Variants in FLOT1 observed in about 807,000 individuals in gnomAD.
FLOT1 encodes flotillin 1.
FLOT1 carries 40 observed loss-of-function variants against 58.4 expected under a neutral mutation model. The observed-to-expected ratio is 0.69, with a 90% CI of 0.53 to 0.89. FLOT1 has a LOEUF of 0.89. Ranked by LOEUF, FLOT1 falls within the 40% of genes least tolerant of loss-of-function variation. FLOT1 has a pLI of 0.00. For missense variants in FLOT1, 423 were observed against 540.8 expected (o/e 0.78, Z 2.16); for synonymous variants, 178 against 204.2 (o/e 0.87, Z 1.09).
chr6:30,737,204 TCTGTCGTCCGTC>T lies in FLOT1; in HGVS notation c.723+2942_723+2953del, dbSNP rs1177881012. ...GTATGACTGACTGACTGACTGACTG[TCTGTCGTCCGTC>T]CGTCCGTCCGTCCGTCCGTCCGTCC... is the stretch of plus-strand genomic sequence containing the variant. On this transcript the variant is annotated intron_variant, in intron 8 of 12. Transcript: ENST00000376389. This position sits in a 1 kb window ranked among gnomAD's most constrained non-coding sequence, Gnocchi z 4.4. Among the ~76,000 whole-genome samples the T allele has an allele frequency of 8.7e-5, 11 of 126,702 alleles. No individual in the cohort carries two copies. Among genetic ancestry groups the T allele is most frequent in the South Asian group, 2.6e-4 (1 of 3,904 alleles). 83.1% of individuals were successfully genotyped at this position (126,702 alleles called of 152,430 possible).
chr6:30,739,809 G>A (rs1022717103), intron 8 of FLOT1, among the ~76,000 whole-genome samples: 4 of 152,150 alleles, frequency 2.6e-5, no homozygotes, highest in East Asian at 1.9e-4. Flanking sequence ...CTACAGGCCC[G>A]AGCTGCCATG....
chr6:30,733,541 G>GACCA (rs918992298), intron 8 of FLOT1, among the ~76,000 whole-genome samples: 1 of 151,410 alleles, frequency 6.6e-6, no homozygotes, highest in African/African-American at 2.4e-5. Context: ...AGGAGTTCAT[G>GACCA]ACCAGCCTGG....
Position 30,730,714 on chromosome 6 carries a change from T to C in FLOT1, c.919A>G (p.Met307Val). 6.2e-7 allele frequency: 1 copy of C among 1,613,310 alleles called. No homozygotes were observed. Among genetic ancestry groups the C allele is most frequent in the Non-Finnish European group, 8.5e-7 (1 of 1,180,030 alleles). Reference sequence around the variant, plus strand: ...GACGCGGCTTCTGCCTCCGCCTGCATAATTAGTTGGGACCTGTGGACAGAA... The same window carrying C: ...GACGCGGCTTCTGCCTCCGCCTGCACAATTAGTTGGGACCTGTGGACAGAA... The part of the protein sequence containing the change: ...LAEAEKSQLI[M>V]QAEAEAASVR... Residue 307 changes from methionine to valine, a missense_variant, in exon 10 of 13, where the codon ATG becomes GTG. By Grantham distance (21) the Met-to-Val change is conservative. Around this residue, in one of 6 missense-constraint regions of FLOT1, gnomAD observed 106 missense variants for 88.4 expected, o/e 1.20. Coordinates refer to ENST00000376389, the MANE Select transcript of FLOT1 (RefSeq NM_005803.4).
chr6:30,728,203 A>G (rs751635633), intron 12 of FLOT1, 58 bp from the exon 13 acceptor site: 14 of 1,502,508 alleles, frequency 9.3e-6, no homozygotes, highest in Non-Finnish European at 1.2e-5. Context: ...TGAGGCCCCT[A>G]CTCTCCCGGG....
chr6:30,730,297 T>C, intron 11 of FLOT1, 111 bp from the exon 12 acceptor site: 1 of 1,501,064 alleles, frequency 6.7e-7, no homozygotes, highest in Non-Finnish European at 9.1e-7. Flanking sequence ...TTCCTCACTT[T>C]GGTCACTAAT....
rs1237866498 is a variant in FLOT1, at chr6:30,741,690, G to A, written c.134C>T (p.Thr45Ile). Residue 45 changes from threonine (T) to isoleucine (I), a missense_variant, in exon 4 of 13, where the codon ACA becomes ATA. Coordinates refer to ENST00000376389, the MANE Select transcript of FLOT1 (RefSeq NM_005803.4). This position sits in a 1 kb window ranked among gnomAD's most constrained non-coding sequence, Gnocchi z 5.9. ...IQQIQRISLNTLTLNVKSEKV... is the reference protein window; with the variant it reads ...IQQIQRISLNILTLNVKSEKV... ...TTCACTCTTGACATTGAGGGTCAGT[G>A]TGTTGAGAGAGATCCTAGGGGAAAA... 3 of 1,612,828 alleles carry A rather than the reference G, an allele frequency of 1.9e-6. No homozygotes were observed. Among genetic ancestry groups the A allele is most frequent in the Admixed American group, 3.3e-5 (2 of 60,016 alleles).
rs1425503345 is a variant in FLOT1 at position 30,742,449 on chromosome 6, G to T, written c.-15+78C>A. 1.0e-5 allele frequency: 6 copies of T among 572,330 alleles called. No individual in the cohort carries two copies. The highest frequency in any genetic ancestry group is 1.6e-5 in the Non-Finnish European group (5 of 320,470). 35.5% of individuals were successfully genotyped at this position (572,330 alleles called of 1,614,324 possible). A position where few individuals can be genotyped will look rare whatever the true frequency, so the allele number is the denominator to read the frequency against. ...GCTCCCTTTGATAAAGGTCCCCCGC[G>T]CCCAGAGGCCTGCAGACCTTTCCCC... On this transcript the variant is annotated intron_variant, in intron 1 of 12. Transcript: ENST00000376389. The surrounding 1 kb of genome is among the most constrained non-coding windows in gnomAD (Gnocchi z 5.2).
intron 8 of FLOT1, among the ~76,000 whole-genome samples, chr6:30,734,112 T>C (rs1410205641): frequency 6.7e-6 from 1 of 149,112 alleles, no homozygotes; most frequent in Non-Finnish European, 1.5e-5. Flanking sequence ...CTTTGAGATC[T>C]CTCTCTCTCT....
intron 5 of FLOT1, 35 bp from the exon 6 acceptor site, chr6:30,740,833 AGTT>A (rs1401598962): frequency 6.9e-6 from 9 of 1,299,542 alleles, no homozygotes; most frequent in East Asian, 2.6e-5. Context: ...AAGGGATGTA[AGTT>A]TTTTTTTTTT....
At position 30,741,715 on chromosome 6, in the gene FLOT1, A is replaced by G; in HGVS notation, c.120-11T>C. On this transcript the variant is annotated splice_polypyrimidine_tract_variant and intron_variant, in intron 3 of 12. Transcript: ENST00000376389. The surrounding 1 kb of genome is among the most constrained non-coding windows in gnomAD (Gnocchi z 5.9). Reference sequence around the variant, plus strand: ...GTGTTGAGAGAGATCCTAGGGGAAAAAGAAGGGACAGACAGTAAGAAGAGG... The same window carrying G: ...GTGTTGAGAGAGATCCTAGGGGAAAGAGAAGGGACAGACAGTAAGAAGAGG... The G allele has an allele frequency of 6.2e-7, 1 of 1,612,038 alleles. No individual in the cohort carries two copies. Among genetic ancestry groups the G allele is most frequent in the South Asian group, 1.1e-5 (1 of 91,054 alleles).
chr6:30,731,353 C>T (rs1777180236), intron 8 of FLOT1, among the ~76,000 whole-genome samples: 1 of 151,864 alleles, frequency 6.6e-6, no homozygotes, highest in Admixed American at 6.6e-5. Context: ...GGTGTGGTGG[C>T]GAATGCCTGT....
At position 30,741,766 on chromosome 6, in the gene FLOT1, C is replaced by A; in HGVS notation, c.119+26G>T. 6.2e-7 allele frequency: 1 copy of A among 1,611,952 alleles called. No homozygotes were observed. The highest frequency in any genetic ancestry group is 8.5e-7 in the Non-Finnish European group (1 of 1,179,050). ...AGGAAAAAGAGAAAACGGAGGTCCC[C>A]CTTCCCTGGTTCCCTTCTTGCCTAC... On this transcript the variant is annotated intron_variant, in intron 3 of 12. Transcript: ENST00000376389. This position sits in a 1 kb window ranked among gnomAD's most constrained non-coding sequence, Gnocchi z 5.9.
intron 11 of FLOT1, 59 bp downstream of exon 11, chr6:30,730,369 C>A: frequency 6.5e-7 from 1 of 1,533,272 alleles, no homozygotes; most frequent in Non-Finnish European, 8.8e-7. Flanking sequence ...TCACTACACC[C>A]CACCCCTTAG....
intron 8 of FLOT1, 22 bp from the exon 9 acceptor site, chr6:30,731,122 G>A (rs1386785419): frequency 1.3e-6 from 2 of 1,580,656 alleles, no homozygotes; most frequent in South Asian, 1.1e-5. Flanking sequence ...GGTGAAGTCA[G>A]GTTCACGCTC....
At position 30,728,124 on chromosome 6, in the gene FLOT1, T is replaced by G; in HGVS notation, c.1276A>C (p.Thr426Pro). The change falls in exon 13 of 13, where the codon ACA (threonine) becomes CCA (proline). Residue 426 changes from threonine to proline, a missense_variant. Thr to Pro is a conservative substitution (Grantham distance 38). This residue lies in a region of FLOT1 where 44 missense variants were observed against 40.3 expected (regional missense o/e 1.09). Transcript: ENST00000376389. ...CTGTGAGGGCTGAAGGCTCAGGCTG[T>G]TCTCAAAGGCTTGTGATTCACCTGG... ...ISQVNHKPLR[T>P]A 6.2e-7 allele frequency: 1 copy of G among 1,613,014 alleles called. No individual in the cohort carries two copies. The highest frequency in any genetic ancestry group is 8.5e-7 in the Non-Finnish European group (1 of 1,179,984).
chr6:30,741,555 G>A lies in FLOT1; in HGVS notation c.210+59C>T. On this transcript the variant is annotated intron_variant, in intron 4 of 12. Coordinates refer to ENST00000376389, the MANE Select transcript of FLOT1 (RefSeq NM_005803.4). The surrounding 1 kb of genome is among the most constrained non-coding windows in gnomAD (Gnocchi z 5.9). ...GACTGTGGCCAGAAGATGTCTTAAT[G>A]TCTGGGAGAGAGGGTGATGGGGAAG... is the stretch of plus-strand genomic sequence containing the variant. 7.2e-7 allele frequency: 1 copy of A among 1,386,750 alleles called. No individual in the cohort carries two copies. Among genetic ancestry groups the A allele is most frequent in the Non-Finnish European group, 1.0e-6 (1 of 974,616 alleles). 85.9% of individuals were successfully genotyped at this position (1,386,750 alleles called of 1,614,324 possible). A position where few individuals can be genotyped will look rare whatever the true frequency, so the allele number is the denominator to read the frequency against.
chr6:30,737,234 G>A lies in FLOT1; in HGVS notation c.723+2924C>T, dbSNP rs3130659. Reference sequence around the variant, plus strand: ...CGTCCGTCCGTCCGTCCGTCCGTCCGTCCGTCCGTCCGTCCATCCGTCCAT... The same window carrying A: ...CGTCCGTCCGTCCGTCCGTCCGTCCATCCGTCCGTCCGTCCATCCGTCCAT... On this transcript the variant is annotated intron_variant, in intron 8 of 12. Transcript: ENST00000376389. The surrounding 1 kb of genome is among the most constrained non-coding windows in gnomAD (Gnocchi z 4.4). Among the ~76,000 whole-genome samples the A allele has an allele frequency of 0.026, 2,761 of 105,978 alleles. 58 individuals carry two copies. The highest frequency in any genetic ancestry group is 0.087 in the East Asian group (347 of 4,006). 69.5% of individuals were successfully genotyped at this position (105,978 alleles called of 152,430 possible). A position where few individuals can be genotyped will look rare whatever the true frequency, so the allele number is the denominator to read the frequency against.
rs1271122062 is a variant in FLOT1, at chr6:30,741,725, A to G, written c.120-21T>C. The G allele has an allele frequency of 5.0e-6, 8 of 1,610,530 alleles. No individual in the cohort carries two copies. Among genetic ancestry groups the G allele is most frequent in the Non-Finnish European group, 6.8e-6 (8 of 1,177,714 alleles). On this transcript the variant is annotated intron_variant, in intron 3 of 12. Transcript: ENST00000376389. This position sits in a 1 kb window ranked among gnomAD's most constrained non-coding sequence, Gnocchi z 5.9. ...AGATCCTAGGGGAAAAAGAAGGGAC[A>G]GACAGTAAGAAGAGGAGGAAAAAGA... is the stretch of plus-strand genomic sequence containing the variant.
chr6:30,729,222 G>A (rs1776973399), intron 12 of FLOT1, among the ~76,000 whole-genome samples: 1 of 151,740 alleles, frequency 6.6e-6, no homozygotes, highest in South Asian at 2.1e-4. Context: ...TTACAGGCAT[G>A]CACCACCAAG....
Sources: allele counts gnomAD v4.1 joint callset (sites outside exome capture counted in the v4.1 genomes callset), GRCh38; gene constraint gnomAD v4.1.1; regional missense constraint gnomAD v4.1.1; non-coding constraint Gnocchi (gnomAD v3.1); transcripts MANE v1.5; gene names NCBI Gene and HGNC (gene_info 2026-07-23, HGNC 2026-07-21).